The following TRMT11 variants were observed in gnomAD, a reference collection of about 807,000 sequenced individuals.
TRMT11 encodes tRNA (guanine(10)-N(2))-methyltransferase TRMT11.
TRMT11 carries 53 observed loss-of-function variants against 62.8 expected under a neutral mutation model. The ratio of observed to expected loss-of-function variants is 0.84; its 90% CI spans 0.68 to 1.06. TRMT11 has a LOEUF of 1.06. Ranked by LOEUF, TRMT11 falls within the 50% of genes least tolerant of loss-of-function variation. The pLI is 0.00. For synonymous variants in TRMT11, 188 were observed against 190.3 expected (o/e 0.99, Z 0.10); for missense variants, 556 against 553.4 (o/e 1.00, Z -0.05).
chr6:126,258,056 C>A, the TRMT11 span: 61 of 1,237,350 alleles, frequency 4.9e-5, no homozygotes, highest in Non-Finnish European at 7.1e-5. Context: ...CCTCACTCTC[C>A]ATGTCCAGGA....
chr6:126,064,093 G>A (rs903453818), intron 17 of TRMT11, among the ~76,000 whole-genome samples: 9 of 152,120 alleles, frequency 5.9e-5, no homozygotes, highest in African/African-American at 2.2e-4. Flanking sequence ...GCAACCTTTG[G>A]TGAGGAGAAG....
In TRMT11 at chr6:125,998,120, C is replaced by T. The variant is rs755865191; in HGVS notation, c.280C>T (p.Pro94Ser). Residue 94 changes from proline (P) to serine (S), a missense_variant, in exon 4 of 13, where the codon CCT (proline) becomes TCT (serine). Physicochemically the swap from Pro to Ser is moderately conservative, Grantham distance 74. Transcript: ENST00000334379. ...GCTGTACAGTTCTCTTAAAAACTAC[C>T]CTGTGGAGAAGATGGTGCGTAGTAA... ...EELYSSLKNY[P>S]VEKMVPFLHS... 6.2e-7 allele frequency: 1 copy of T among 1,613,356 alleles called. No homozygotes were observed. The highest frequency in any genetic ancestry group is 8.5e-7 in the Non-Finnish European group (1 of 1,179,412).
At chr6:126,072,951 G>A (rs983659285) in intron 17 of TRMT11, among the ~76,000 whole-genome samples, 6 of 152,084 alleles carry the variant, frequency 3.9e-5, no homozygotes, top group African/African-American at 9.7e-5. Flanking sequence ...ACAAACATTC[G>A]GTCCATAGCA....
chr6:126,120,484 C>A (rs546146221), intron 21 of TRMT11, among the ~76,000 whole-genome samples: 3 of 152,030 alleles, frequency 2.0e-5, no homozygotes, highest in Admixed American at 6.6e-5. Flanking sequence ...TTTGTGTCAA[C>A]GTTACAAACC....
intron 6 of TRMT11, 30 bp from the exon 7 acceptor site, chr6:125,999,427 A>G (rs1792117832): frequency 2.6e-6 from 4 of 1,557,992 alleles, no homozygotes; most frequent in Non-Finnish European, 1.7e-6. Flanking sequence ...CTGTATGGCT[A>G]TACTAACATA....
chr6:126,231,967 C>T, the TRMT11 span, among the ~76,000 whole-genome samples: 1 of 152,050 alleles, frequency 6.6e-6, no homozygotes, highest in Non-Finnish European at 1.5e-5. Flanking sequence ...ATAGAATTGG[C>T]AATGATATGA....
intron 12 of TRMT11, among the ~76,000 whole-genome samples, chr6:126,025,454 A>T (rs1228277720): frequency 2.6e-5 from 4 of 152,210 alleles, no homozygotes; most frequent in Non-Finnish European, 5.9e-5. Flanking sequence ...AACAAGGAAA[A>T]GCCTCAAGTA....
At chr6:126,149,075 G>T (rs1488587264) in intron 21 of TRMT11, among the ~76,000 whole-genome samples, 1 of 152,190 alleles carries the variant, frequency 6.6e-6, no homozygotes, top group African/African-American at 2.4e-5. Context: ...ATAGTATCTG[G>T]TAGGACTTTT....
chr6:126,267,104 G>T, the TRMT11 span, among the ~76,000 whole-genome samples: 1 of 152,142 alleles, frequency 6.6e-6, no homozygotes, highest in Non-Finnish European at 1.5e-5. Flanking sequence ...ACTCTAGAAG[G>T]AATATGGTCT....
intron 17 of TRMT11, among the ~76,000 whole-genome samples, chr6:126,093,631 A>ATATATATATATATATT (rs1554236842): frequency 2.0e-5 from 2 of 98,016 alleles, no homozygotes; most frequent in East Asian, 6.1e-4. Context: ...ATATATATAT[A>ATATATATATATATATT]TTTTCCCCCA....
intron 21 of TRMT11, among the ~76,000 whole-genome samples, chr6:126,147,928 A>G (rs1266037405): frequency 1.3e-5 from 2 of 152,132 alleles, no homozygotes; most frequent in Non-Finnish European, 2.9e-5. Context: ...GGATAGCATC[A>G]GGAGAAATAC....
At chr6:126,222,783 A>T in the TRMT11 span, among the ~76,000 whole-genome samples, 1 of 151,922 alleles carries the variant, frequency 6.6e-6, no homozygotes, top group Admixed American at 6.6e-5. Context: ...CCATCTTGCC[A>T]CTCTATGCCT....
At chr6:126,002,320 C>T (rs1792638296) in intron 7 of TRMT11, among the ~76,000 whole-genome samples, 1 of 152,168 alleles carries the variant, frequency 6.6e-6, no homozygotes, top group African/African-American at 2.4e-5. Context: ...CTATAAATTG[C>T]AGTCAATCCT....
intron 16 of TRMT11, among the ~76,000 whole-genome samples, chr6:126,045,203 T>A (rs1382279411): frequency 1.4e-5 from 2 of 147,784 alleles, no homozygotes; most frequent in African/African-American, 5.3e-5. Context: ...AAAAAAAAAA[T>A]TGCAGATTGT....
the TRMT11 span, among the ~76,000 whole-genome samples, chr6:126,243,983 A>C: frequency 6.6e-6 from 1 of 152,182 alleles, no homozygotes; most frequent in Non-Finnish European, 1.5e-5. Context: ...CAAAAATATG[A>C]TTCTACCACA....
intron 21 of TRMT11, among the ~76,000 whole-genome samples, chr6:126,132,337 A>G (rs892283922): frequency 6.6e-5 from 10 of 152,024 alleles, no homozygotes; most frequent in Admixed American, 2.0e-4. Flanking sequence ...TTTTGCTCTT[A>G]GTCACCTGCA....
At chr6:126,028,438 C>G (rs1773586730) in intron 12 of TRMT11, among the ~76,000 whole-genome samples, 1 of 152,032 alleles carries the variant, frequency 6.6e-6, no homozygotes, top group South Asian at 2.1e-4. Context: ...TTTTGCATAG[C>G]AAGTCAGAAA....
At chr6:126,018,520 G>C (rs545788149) in intron 11 of TRMT11, among the ~76,000 whole-genome samples, 2 of 150,686 alleles carry the variant, frequency 1.3e-5, no homozygotes, top group African/African-American at 4.9e-5. Context: ...CCCCCTTAAC[G>C]TATACAACTT....
rs564772414 is a variant in TRMT11 at position 126,075,986 on chromosome 6, G to T, written c.*1437+22796G>T. Among the ~76,000 whole-genome samples the T allele has an allele frequency of 3.9e-5, 6 of 152,206 alleles. No homozygotes were observed. In the South Asian group the frequency reaches 1.2e-3, roughly 32 times the overall value. ...GGAACTGCAGGGGAGGCTGGGAAAT[G>T]TATTTTATGAGTATGCATATGGTTA... On this transcript the variant is annotated intron_variant and NMD_transcript_variant, in intron 17 of 22. Transcript: ENST00000648977.
Sources: allele counts gnomAD v4.1 joint callset (sites outside exome capture counted in the v4.1 genomes callset), GRCh38; gene constraint gnomAD v4.1.1; transcripts MANE v1.5; gene names NCBI Gene and HGNC (gene_info 2026-07-23, HGNC 2026-07-21).